The following PDLIM1 variants were observed in gnomAD, a reference collection of about 807,000 sequenced individuals.
PDLIM1 encodes PDZ and LIM domain protein 1.
In PDLIM1, 25 loss-of-function variants were observed where a neutral mutation model predicts 35.2. That is an observed-to-expected ratio of 0.71 (90% CI 0.52 to 0.99). PDLIM1 has a LOEUF of 0.99. PDLIM1 is among the 50% of genes least tolerant of loss of function. The pLI, the probability that PDLIM1 is intolerant of heterozygous loss-of-function variation, is 0.00. For synonymous variants in PDLIM1, 152 were observed against 154.0 expected (o/e 0.99, Z 0.10); for missense variants, 363 against 415.3 (o/e 0.87, Z 1.09).
intron 1 of PDLIM1, among the ~76,000 whole-genome samples, chr10:95,279,768 C>G (rs1305353488): frequency 1.3e-5 from 2 of 152,148 alleles, no homozygotes; most frequent in Non-Finnish European, 2.9e-5. Flanking sequence ...ATGTGATTCT[C>G]AAACAAGCCA....
In PDLIM1 at chr10:95,238,124, G is replaced by A. The variant is rs1334107796; in HGVS notation, c.804-13C>T. 10 of 1,606,924 alleles carry A rather than the reference G, an allele frequency of 6.2e-6. No individual in the cohort carries two copies. Among genetic ancestry groups the A allele is most frequent in the Non-Finnish European group, 7.7e-6 (9 of 1,174,712 alleles). On this transcript the variant is annotated splice_polypyrimidine_tract_variant and intron_variant, in intron 6 of 6. Transcript: ENST00000329399. ...CACAAACACACCACTACAGAAGCAAGGGAGGGAAGGGACTCCATCAGTGAC... is the reference window on the plus strand; with the variant it reads ...CACAAACACACCACTACAGAAGCAAAGGAGGGAAGGGACTCCATCAGTGAC...
intron 4 of PDLIM1, among the ~76,000 whole-genome samples, chr10:95,250,193 T>C (rs968686421): frequency 6.6e-6 from 1 of 152,160 alleles, no homozygotes; most frequent in Non-Finnish European, 1.5e-5. Context: ...AAAATTGAGA[T>C]CAGACTATGG....
At chr10:95,275,057 T>C (rs1054863285) in intron 1 of PDLIM1, among the ~76,000 whole-genome samples, 5 of 152,318 alleles carry the variant, frequency 3.3e-5, no homozygotes, top group African/African-American at 1.2e-4. Context: ...ACTTCCCCAG[T>C]TACTCCTGTA....
chr10:95,263,856 C>A lies in PDLIM1; in HGVS notation c.533+8G>T. The A allele has an allele frequency of 6.2e-7, 1 of 1,602,796 alleles. No homozygotes were observed. On this transcript the variant is annotated splice_region_variant and intron_variant, in intron 4 of 6. Coordinates refer to ENST00000329399, the MANE Select transcript of PDLIM1 (RefSeq NM_020992.4). ...AGCGGCTCAGAGGAGGACTCCTGGG[C>A]TACTTACGGTCTGCTGTTCGCCTCC...
intron 1 of PDLIM1, among the ~76,000 whole-genome samples, chr10:95,282,552 T>C (rs2035569730): frequency 6.6e-6 from 1 of 152,190 alleles, no homozygotes; most frequent in Non-Finnish European, 1.5e-5. Flanking sequence ...CAAAGAGACG[T>C]GCTGCTCTCT....
intron 3 of PDLIM1, among the ~76,000 whole-genome samples, chr10:95,265,987 T>C (rs2035413906): frequency 6.6e-6 from 1 of 151,922 alleles, no homozygotes; most frequent in South Asian, 2.1e-4. Context: ...TCACCTGAGT[T>C]CAGGAATTCA....
intron 3 of PDLIM1, 27 bp downstream of exon 3, chr10:95,268,751 C>G (rs769672030): frequency 7.4e-5 from 107 of 1,436,260 alleles, no homozygotes; most frequent in Non-Finnish European, 9.6e-5. Flanking sequence ...GTGGTGAGAG[C>G]AGCGGCAACG....
chr10:95,263,397 G>C (rs2133425899), intron 4 of PDLIM1, among the ~76,000 whole-genome samples: 1 of 152,180 alleles, frequency 6.6e-6, no homozygotes, highest in East Asian at 1.9e-4. Context: ...AGCAAACACT[G>C]CTTCACCAAA....
intron 5 of PDLIM1, among the ~76,000 whole-genome samples, chr10:95,242,955 A>T (rs558014545): frequency 1.3e-5 from 2 of 149,556 alleles, no homozygotes; most frequent in South Asian, 4.2e-4. Flanking sequence ...GGGCTCTCTT[A>T]TGCAATGGGC....
intron 1 of PDLIM1, among the ~76,000 whole-genome samples, chr10:95,272,062 T>C: frequency 6.6e-6 from 1 of 152,142 alleles, no homozygotes. Flanking sequence ...ACCTATGACT[T>C]ACCCAGGATC....
intron 4 of PDLIM1, among the ~76,000 whole-genome samples, chr10:95,251,493 T>C (rs2035267545): frequency 6.6e-6 from 1 of 152,090 alleles, no homozygotes; most frequent in Admixed American, 6.6e-5. Context: ...GTAGAATCGC[T>C]TGAACCTAGG....
intron 3 of PDLIM1, 103 bp from the exon 4 acceptor site, chr10:95,264,166 G>C: frequency 1.1e-6 from 1 of 939,002 alleles, no homozygotes; most frequent in South Asian, 1.5e-5. Context: ...CAGCTGCTAA[G>C]ATGGCCCTAG....
chr10:95,277,837 G>A (rs1313966470), intron 1 of PDLIM1, among the ~76,000 whole-genome samples: 1 of 152,150 alleles, frequency 6.6e-6, no homozygotes, highest in Non-Finnish European at 1.5e-5. Flanking sequence ...TTTAAGACCT[G>A]TCCACTGCTG....
intron 4 of PDLIM1, among the ~76,000 whole-genome samples, chr10:95,252,479 TAAC>T (rs2035275812): frequency 6.6e-6 from 1 of 152,180 alleles, no homozygotes. Context: ...AATAACATAG[TAAC>T]AAGAATGTTC....
intron 1 of PDLIM1, among the ~76,000 whole-genome samples, chr10:95,283,149 G>A (rs1002904057): frequency 1.3e-5 from 2 of 152,204 alleles, no homozygotes; most frequent in African/African-American, 4.8e-5. Context: ...AGGCTTAAAT[G>A]AGACTGCATT....
At chr10:95,261,852 C>G (rs1050053464) in intron 4 of PDLIM1, among the ~76,000 whole-genome samples, 1 of 151,976 alleles carries the variant, frequency 6.6e-6, no homozygotes, top group Non-Finnish European at 1.5e-5. Flanking sequence ...ATACTAAAAA[C>G]ACAAAATTAT....
At chr10:95,248,788 C>T (rs753458159) in intron 4 of PDLIM1, among the ~76,000 whole-genome samples, 3 of 152,218 alleles carry the variant, frequency 2.0e-5, no homozygotes, top group African/African-American at 7.2e-5. Flanking sequence ...CCAGGCTTCC[C>T]GCTGTGCCTG....
chr10:95,238,535 G>C (rs1434523112), intron 6 of PDLIM1, 33 bp downstream of exon 6: 39 of 1,292,156 alleles, frequency 3.0e-5, no homozygotes, highest in Non-Finnish European at 4.4e-5. Context: ...CAACCTGCAG[G>C]GTCTGCAAAG....
chr10:95,247,358 T>C lies in PDLIM1; in HGVS notation c.542A>G (p.His181Arg), dbSNP rs1468308516. ...GACAAGGCTGCTTGGAGGCTGAGCA[T>C]GGTCTAAGCTGTAAAGAATGTTTGA... ...GVEANSRPLD[H>R]AQPPSSLVID... The change falls in exon 5 of 7, where the codon CAT (histidine) becomes CGT (arginine). Residue 181 changes from histidine to arginine, a missense_variant. Coordinates refer to ENST00000329399, the MANE Select transcript of PDLIM1 (RefSeq NM_020992.4). 7 of 1,610,778 alleles carry C rather than the reference T, an allele frequency of 4.3e-6. No individual in the cohort carries two copies. The East Asian group carries it at 1.3e-4, about 31-fold the overall frequency.
Sources: gnomAD v4.1 joint callset for allele counts (sites outside exome capture counted in the v4.1 genomes callset) on GRCh38, gnomAD v4.1.1 for gene constraint, MANE v1.5 for transcripts, NCBI Gene and HGNC (gene_info 2026-07-23, HGNC 2026-07-21) for gene names.